The following CACNA1I variants were observed in gnomAD, a reference collection of about 807,000 sequenced individuals.
CACNA1I encodes voltage-dependent T-type calcium channel subunit alpha-1I.
Under a neutral mutation model 201.6 loss-of-function variants are expected in CACNA1I, and 74 were observed. The observed-to-expected ratio is 0.37, with a 90% confidence interval of 0.30 to 0.45. CACNA1I has a LOEUF of 0.45. CACNA1I is among the 20% of genes least tolerant of loss of function. The pLI, the probability that CACNA1I is intolerant of heterozygous loss-of-function variation, is 1.00. For synonymous variants in CACNA1I, 1,431 were observed against 1,345.2 expected, an observed-to-expected ratio of 1.06 and a Z score of -1.40; for missense variants, 2,346 against 3,138.1, an observed-to-expected ratio of 0.75 and a Z score of 6.03.
At chr22:39,673,909 C>T in intron 28 of CACNA1I, 54 bp from the exon 29 acceptor site, 1 of 1,563,024 alleles carries the variant, frequency 6.4e-7, no homozygotes. Flanking sequence ...TGCGTGCACA[C>T]ACACGTCCCC....
rs556670803 is a variant in CACNA1I at position 39,651,021 on chromosome 22, T to C, written c.1992+1096T>C. On this transcript the variant is annotated intron_variant, in intron 10 of 36. Transcript: ENST00000402142. ...GGTGGCAGGTCTGGTCCTGCCCCAT[T>C]TGGAAAAACACCATTTTCTGGCTCC... Among the ~76,000 whole-genome samples the C allele has an allele frequency of 2.6e-5, 4 of 152,184 alleles. No individual in the cohort carries two copies. In the South Asian group the frequency reaches 8.3e-4, roughly 32 times the overall value.
chr22:39,684,156 G>C lies in CACNA1I; in HGVS notation c.5831-146G>C, dbSNP rs1052063546. On this transcript the variant is annotated intron_variant, in intron 35 of 36. Transcript: ENST00000402142. This position sits in a 1 kb window ranked among gnomAD's most constrained non-coding sequence, Gnocchi z 4.6. ...AATGGGGAAACGAAGGCTTAGAGAG[G>C]GGGGACTTGTCCACAGTCTCACAGT... 1.1e-5 allele frequency: 7 copies of C among 653,446 alleles called. No homozygotes were observed. The highest frequency in any genetic ancestry group is 7.9e-5 in the Admixed American group (3 of 37,844). 40.5% of individuals were successfully genotyped at this position (653,446 alleles called of 1,614,324 possible).
chr22:39,656,657 T>C (rs1315097846), intron 10 of CACNA1I: 4 of 518,786 alleles, frequency 7.7e-6, no homozygotes, highest in Non-Finnish European at 1.5e-5. Flanking sequence ...AATGAATGAA[T>C]GAATGAATGA....
intron 4 of CACNA1I, among the ~76,000 whole-genome samples, chr22:39,622,400 G>A (rs548873050): frequency 1.5e-4 from 22 of 151,512 alleles, no homozygotes; most frequent in Admixed American, 9.8e-4. Flanking sequence ...GGCGGCAGTA[G>A]CGGGGGTTCA....
chr22:39,579,938 C>A (rs1932495629), intron 1 of CACNA1I, among the ~76,000 whole-genome samples: 4 of 152,228 alleles, frequency 2.6e-5, no homozygotes. Context: ...TCTGAGCCAC[C>A]ATGCCCAGCC....
intron 24 of CACNA1I, 30 bp from the exon 25 acceptor site, chr22:39,670,008 C>T: frequency 1.2e-6 from 2 of 1,611,578 alleles, no homozygotes; most frequent in South Asian, 2.2e-5. Flanking sequence ...GCCCAATCAG[C>T]CTCCTCAGCC....
chr22:39,668,342 C>A lies in CACNA1I; in HGVS notation c.4155C>A (p.Ile1385=), dbSNP rs757696164. The change falls in exon 24 of 37, where the codon ATC becomes ATA. Residue 1385 remains isoleucine (I), a synonymous_variant. Transcript: ENST00000402142. ...VLASKDGWVN[I]MYNGLDAVAV... ...CATCCAAGGATGGTTGGGTGAACAT[C>A]ATGTACAATGGACTGGATGCTGTTG... 6.2e-7 allele frequency: 1 copy of A among 1,613,450 alleles called. No homozygotes were observed. The highest frequency in any genetic ancestry group is 1.3e-5 in the African/African-American group (1 of 74,900).
At chr22:39,610,728 T>C (rs775260350) in intron 3 of CACNA1I, among the ~76,000 whole-genome samples, 11 of 152,166 alleles carry the variant, frequency 7.2e-5, no homozygotes, top group Non-Finnish European at 1.6e-4. Context: ...CTAGATGGTG[T>C]GTGCTCCTAT....
rs539225548 is a variant in CACNA1I, at chr22:39,618,075, GGTT to G, written c.483-1231_483-1229del. On this transcript the variant is annotated intron_variant, in intron 3 of 36. Transcript: ENST00000402142. ...TTTGTGCTTGTGTATGCGGGTGTGT[GGTT>G]GTTTGCATGTGTGTGACTCTGTGTG... 2.7e-3 allele frequency among the ~76,000 whole-genome samples: 408 copies of G among 151,856 alleles called. 6 individuals are homozygous for G. The highest frequency in any genetic ancestry group is 9.6e-3 in the African/African-American group (397 of 41,396).
At chr22:39,674,800 A>G (rs1935473797) in intron 29 of CACNA1I, among the ~76,000 whole-genome samples, 2 of 152,222 alleles carry the variant, frequency 1.3e-5, no homozygotes, top group African/African-American at 4.8e-5. Flanking sequence ...CTTAAAATAC[A>G]AGGCACAGAT....
intron 7 of CACNA1I, among the ~76,000 whole-genome samples, chr22:39,644,458 T>C (rs1289590894): frequency 2.0e-5 from 3 of 152,160 alleles, no homozygotes; most frequent in African/African-American, 7.2e-5. Context: ...ATTGCTGCTA[T>C]TATTGGGTCT....
In CACNA1I at chr22:39,662,758, C is replaced by T; in HGVS notation, c.3373-18C>T. On this transcript the variant is annotated intron_variant, in intron 17 of 36. Transcript: ENST00000402142. ...CTGCGCATCGCTGACCCCCGGCGCT[C>T]CGTCCTCCTCTTGCTAGACCCTGTG... is the stretch of plus-strand genomic sequence containing the variant. 3 of 1,543,854 alleles carry T rather than the reference C, an allele frequency of 1.9e-6. No homozygotes were observed. Among genetic ancestry groups the T allele is most frequent in the Non-Finnish European group, 2.6e-6 (3 of 1,138,764 alleles).
At chr22:39,664,345 C>T (rs942907854) in intron 20 of CACNA1I, among the ~76,000 whole-genome samples, 186 bp downstream of exon 20, 4 of 151,920 alleles carry the variant, frequency 2.6e-5, no homozygotes, top group African/African-American at 7.3e-5. Flanking sequence ...TCAGCCCCGT[C>T]CCCATTCACA....
At chr22:39,660,705 T>C (rs1934979944) in intron 15 of CACNA1I, among the ~76,000 whole-genome samples, 1 of 152,106 alleles carries the variant, frequency 6.6e-6, no homozygotes, top group Non-Finnish European at 1.5e-5. Context: ...GTTAGAGCCT[T>C]GGGGCCTTAG....
At chr22:39,574,541 A>G (rs969360320) in intron 1 of CACNA1I, among the ~76,000 whole-genome samples, 5 of 150,542 alleles carry the variant, frequency 3.3e-5, no homozygotes, top group Admixed American at 6.6e-5. Context: ...TGGAAACTTC[A>G]CTCCCTCTTG....
intron 4 of CACNA1I, among the ~76,000 whole-genome samples, chr22:39,623,926 T>C (rs1414797766): frequency 8.1e-6 from 1 of 123,576 alleles, no homozygotes; most frequent in Non-Finnish European, 1.7e-5. Flanking sequence ...ATGTGTGACG[T>C]GTTTGTGTGT....
At chr22:39,637,165 T>G (rs1166208939) in intron 5 of CACNA1I, among the ~76,000 whole-genome samples, 1 of 152,190 alleles carries the variant, frequency 6.6e-6, no homozygotes, top group African/African-American at 2.4e-5. Context: ...CCCTCTGTAC[T>G]GTCTCACTGG....
intron 3 of CACNA1I, among the ~76,000 whole-genome samples, chr22:39,614,253 C>T (rs1180542176): frequency 2.0e-5 from 3 of 152,258 alleles, no homozygotes; most frequent in African/African-American, 4.8e-5. Flanking sequence ...CGGCAGGTAG[C>T]GAGTGCTCAG....
intron 1 of CACNA1I, among the ~76,000 whole-genome samples, chr22:39,571,976 G>A (rs1290757110): frequency 6.6e-6 from 1 of 152,212 alleles, no homozygotes; most frequent in Non-Finnish European, 1.5e-5. Context: ...GTTGGGTAGA[G>A]AGGGTAGTGG....
Sources: allele counts gnomAD v4.1 joint callset (sites outside exome capture counted in the v4.1 genomes callset), GRCh38; gene constraint gnomAD v4.1.1; non-coding constraint Gnocchi (gnomAD v3.1); transcripts MANE v1.5; gene names NCBI Gene and HGNC (gene_info 2026-07-23, HGNC 2026-07-21).